Variants in NRXN1 observed in about 807,000 individuals in gnomAD.
NRXN1 encodes the protein neurexin-1.
In NRXN1, 39 loss-of-function variants were observed where a neutral mutation model predicts 150.9. The ratio of observed to expected loss-of-function variants is 0.26; its 90% confidence interval spans 0.20 to 0.34. NRXN1 has a LOEUF of 0.34. Ranked by LOEUF, NRXN1 falls within the 10% of genes least tolerant of loss-of-function variation. The pLI is 1.00. For missense variants in NRXN1, 1,815 were observed against 1,949.9 expected (o/e 0.93, Z 1.30); for synonymous variants, 924 against 757.0 (o/e 1.22, Z -3.62).
intron 17 of NRXN1, among the ~76,000 whole-genome samples, chr2:50,411,056 C>G (rs374575560): frequency 4.8e-4 from 73 of 152,070 alleles, no homozygotes; most frequent in African/African-American, 1.7e-3. Flanking sequence ...CTCCCCGTCC[C>G]TCTCCCTCTC....
rs74714098 is a variant in NRXN1, at chr2:50,053,331, C to T, written c.4068G>A (p.Thr1356=). Reference sequence around the variant, plus strand: ...TTCTGGCTGTGCTAGTAGCCAGGGTCGTGGTAGTCTCCATAATTGATGTGG... The same window carrying T: ...TTCTGGCTGTGCTAGTAGCCAGGGTTGTGGTAGTCTCCATAATTGATGTGG... ...EMSTSIMETT[T]TLATSTARRG... is the part of the protein sequence containing the mutation. The change falls in exon 21 of 23, where the codon ACG becomes ACA. Residue 1356 remains threonine, a synonymous_variant. Transcript: ENST00000401669. 2.5e-3 allele frequency: 4,105 copies of T among 1,613,956 alleles called. 90 individuals carry two copies. The African/African-American group carries it at 0.048, about 19-fold the overall frequency.
chr2:50,601,259 A>T (rs1676222577), intron 8 of NRXN1, among the ~76,000 whole-genome samples: 2 of 152,318 alleles, frequency 1.3e-5, no homozygotes, highest in South Asian at 2.1e-4. Flanking sequence ...AAGTAAATTA[A>T]ATCAGTGTGT....
intron 17 of NRXN1, among the ~76,000 whole-genome samples, chr2:50,310,763 G>A (rs967451543): frequency 2.0e-5 from 3 of 152,030 alleles, no homozygotes; most frequent in African/African-American, 7.2e-5. Context: ...AATTAGATAT[G>A]TTTATATCAT....
intron 2 of NRXN1, among the ~76,000 whole-genome samples, chr2:50,988,962 A>G (rs1331071249): frequency 4.0e-5 from 6 of 151,678 alleles, no homozygotes; most frequent in African/African-American, 7.3e-5. Flanking sequence ...TTGTCTTTCA[A>G]TTTATTTATT....
intron 2 of NRXN1, chr2:51,026,516 G>A: frequency 7.8e-7 from 1 of 1,278,000 alleles, no homozygotes. Flanking sequence ...GTAGTTTAAT[G>A]CCACACTGTT....
chr2:50,712,934 G>A (rs2105057618), intron 5 of NRXN1, among the ~76,000 whole-genome samples: 1 of 152,076 alleles, frequency 6.6e-6, no homozygotes, highest in East Asian at 1.9e-4. Context: ...TTTATCTGAT[G>A]GAAATGATAT....
chr2:50,721,406 C>T (rs1030802241), intron 5 of NRXN1, among the ~76,000 whole-genome samples: 2 of 152,208 alleles, frequency 1.3e-5, no homozygotes, highest in African/African-American at 2.4e-5. Context: ...GAGATAACTA[C>T]CCTTTACTAA....
Position 50,180,687 on chromosome 2 carries a change from G to T in NRXN1, c.3546+56102C>A, listed in dbSNP as rs184737103. Among the ~76,000 whole-genome samples, 433 of 152,188 alleles carry T rather than the reference G, an allele frequency of 2.8e-3. 1 individual carries two copies. Among genetic ancestry groups the T allele is most frequent in the African/African-American group, 9.0e-3 (374 of 41,546 alleles). Reference sequence around the variant, plus strand: ...AGCAGAGACCAAACCCTTACCATCAGACACCAGATGCTGGAGCTTTGGTCT... The same window carrying T: ...AGCAGAGACCAAACCCTTACCATCATACACCAGATGCTGGAGCTTTGGTCT... On this transcript the variant is annotated intron_variant, in intron 18 of 22. Coordinates refer to ENST00000401669, the MANE Select transcript of NRXN1 (RefSeq NM_001330078.2).
chr2:50,032,743 C>T (rs1237469096), intron 21 of NRXN1, among the ~76,000 whole-genome samples: 1 of 151,802 alleles, frequency 6.6e-6, no homozygotes, highest in Admixed American at 6.6e-5. Flanking sequence ...GACACCAGAG[C>T]TCTTTTTCCC....
intron 18 of NRXN1, among the ~76,000 whole-genome samples, chr2:50,191,388 T>A (rs1283707546): frequency 6.6e-6 from 1 of 152,106 alleles, no homozygotes; most frequent in Non-Finnish European, 1.5e-5. Context: ...AATATCTAAA[T>A]TAGGAAATTG....
intron 5 of NRXN1, among the ~76,000 whole-genome samples, chr2:50,671,283 T>C (rs762782964): frequency 6.6e-6 from 1 of 151,718 alleles, no homozygotes; most frequent in African/African-American, 2.4e-5. Context: ...CTATTCTATA[T>C]AGTATATAAG....
intron 5 of NRXN1, among the ~76,000 whole-genome samples, chr2:50,779,698 G>A (rs995627554): frequency 7.2e-5 from 11 of 152,116 alleles, no homozygotes; most frequent in African/African-American, 1.2e-4. Flanking sequence ...AACCTGGGAG[G>A]TGGAGCTTGC....
At chr2:50,170,488 G>A (rs1021413489) in intron 18 of NRXN1, among the ~76,000 whole-genome samples, 4 of 152,026 alleles carry the variant, frequency 2.6e-5, no homozygotes, top group African/African-American at 7.2e-5. Context: ...CTAGAGACAG[G>A]GTTTCACGAT....
At chr2:50,112,242 C>T (rs545607492) in intron 18 of NRXN1, among the ~76,000 whole-genome samples, 1 of 152,170 alleles carries the variant, frequency 6.6e-6, no homozygotes, top group African/African-American at 2.4e-5. Flanking sequence ...ATACTCCTAC[C>T]TCTGCTGTGC....
intron 17 of NRXN1, among the ~76,000 whole-genome samples, chr2:50,425,754 C>T (rs2084425829): frequency 6.6e-6 from 1 of 152,160 alleles, no homozygotes; most frequent in African/African-American, 2.4e-5. Flanking sequence ...TCCAAAGAAG[C>T]ATGATGCCTT....
At chr2:50,319,923 T>A (rs997219601) in intron 17 of NRXN1, among the ~76,000 whole-genome samples, 6 of 152,052 alleles carry the variant, frequency 3.9e-5, no homozygotes, top group Non-Finnish European at 8.8e-5. Context: ...TTCAGTCTTA[T>A]TAGAAATAGG....
chr2:50,220,891 G>A (rs1414524190), intron 18 of NRXN1, among the ~76,000 whole-genome samples: 2 of 151,962 alleles, frequency 1.3e-5, no homozygotes, highest in Non-Finnish European at 2.9e-5. Context: ...TGCTAGTTAT[G>A]CAAGGTAACT....
intron 21 of NRXN1, among the ~76,000 whole-genome samples, chr2:49,945,899 A>G (rs1027494750): frequency 2.6e-5 from 4 of 152,180 alleles, no homozygotes; most frequent in African/African-American, 9.7e-5. Flanking sequence ...TTGGGTATAT[A>G]CCCAGTAATG....
chr2:49,995,923 G>GTCTCA (rs897291914), intron 21 of NRXN1, among the ~76,000 whole-genome samples: 16 of 146,758 alleles, frequency 1.1e-4, no homozygotes, highest in African/African-American at 3.7e-4. Context: ...TGCCCCTTGG[G>GTCTCA]TCTCATGACT....
Sources: gnomAD v4.1 joint callset for allele counts (sites outside exome capture counted in the v4.1 genomes callset) on GRCh38, gnomAD v4.1.1 for gene constraint, MANE v1.5 for transcripts, NCBI Gene and HGNC (gene_info 2026-07-23, HGNC 2026-07-21) for gene names.